The following MYH9 variants were observed in gnomAD, a reference collection of about 807,000 sequenced individuals.
MYH9 encodes myosin heavy chain 9, also known as myosin-9.
MYH9 carries 29 observed loss-of-function variants against 241.9 expected under a neutral mutation model. The ratio of observed to expected loss-of-function variants is 0.12; its 90% CI spans 0.09 to 0.16. The LOEUF (loss-of-function observed/expected upper bound fraction) is 0.16. Ranked by LOEUF, MYH9 falls within the 10% of genes least tolerant of loss-of-function variation. MYH9 has a pLI of 1.00. For missense variants in MYH9, 1,803 were observed against 2,595.5 expected, an observed-to-expected ratio of 0.69 and a Z score of 6.63; for synonymous variants, 1,047 against 1,062.6, an observed-to-expected ratio of 0.99 and a Z score of 0.29.
chr22:36,326,762 G>T, intron 4 of MYH9, 101 bp from the exon 5 acceptor site: 1 of 1,008,268 alleles, frequency 9.9e-7, no homozygotes, highest in Non-Finnish European at 1.6e-6. Context: ...TCTGTTGGGT[G>T]CCCGTGAAGG....
At chr22:36,341,220 C>T in intron 3 of MYH9, 150 bp downstream of exon 3, 1 of 924,002 alleles carries the variant, frequency 1.1e-6, no homozygotes, top group South Asian at 1.4e-5. Context: ...CCCTGGCTTT[C>T]ATACAGAGGT....
chr22:36,338,084 G>A (rs59942142), intron 3 of MYH9, among the ~76,000 whole-genome samples: 11,101 of 151,344 alleles, frequency 0.073, 1,407 homozygotes, highest in African/African-American at 0.26. Context: ...TGCAACCTCC[G>A]CCGCCCAGGT....
At chr22:36,335,211 G>A (rs1392349038) in intron 3 of MYH9, among the ~76,000 whole-genome samples, 1 of 152,212 alleles carries the variant, frequency 6.6e-6, no homozygotes. Context: ...CCAGCCTGCT[G>A]TCTGTACACT....
chr22:36,294,047 T>C, intron 28 of MYH9, 45 bp downstream of exon 28: 1 of 1,596,406 alleles, frequency 6.3e-7, no homozygotes, highest in Non-Finnish European at 8.5e-7. Flanking sequence ...CCACAACTGC[T>C]GCTAGGGCCC....
At chr22:36,335,249 G>GT (rs1373276469) in intron 3 of MYH9, among the ~76,000 whole-genome samples, 9 of 152,246 alleles carry the variant, frequency 5.9e-5, no homozygotes, top group African/African-American at 1.7e-4. Flanking sequence ...CACACACACA[G>GT]TAGGTGCTCA....
In MYH9 at chr22:36,284,395, G is replaced by A. The variant is rs778668519; in HGVS notation, c.5592+8C>T. 46 of 1,611,242 alleles carry A rather than the reference G, an allele frequency of 2.9e-5. No individual in the cohort carries two copies. Among genetic ancestry groups the A allele is most frequent in the Non-Finnish European group, 3.7e-5 (44 of 1,179,834 alleles). ...CTGCCCTTCTCACTGCCCCACCAGC[G>A]CCCACACCTGGTCCTTGTACTGCTC... is the stretch of plus-strand genomic sequence containing the variant. On this transcript the variant is annotated splice_region_variant and intron_variant, in intron 39 of 40. Coordinates refer to ENST00000216181, the MANE Select transcript of MYH9 (RefSeq NM_002473.6).
chr22:36,369,773 C>T (rs950872619), intron 1 of MYH9, among the ~76,000 whole-genome samples: 1 of 152,078 alleles, frequency 6.6e-6, no homozygotes, highest in African/African-American at 2.4e-5. Context: ...GCAGGAGAGG[C>T]GATGGAAGTA....
intron 5 of MYH9, among the ~76,000 whole-genome samples, 188 bp from the exon 6 acceptor site, chr22:36,322,709 C>T (rs1238979279): frequency 1.3e-5 from 2 of 152,276 alleles, no homozygotes; most frequent in African/African-American, 4.8e-5. Context: ...CAAGTGCGGC[C>T]TTCCCGCCAG....
chr22:36,291,645 CT>C (rs2016704831), intron 31 of MYH9, among the ~76,000 whole-genome samples: 1 of 149,060 alleles, frequency 6.7e-6, no homozygotes, highest in South Asian at 2.1e-4. Flanking sequence ...CCAAATCCCC[CT>C]CTGCGAGAAA....
intron 1 of MYH9, among the ~76,000 whole-genome samples, chr22:36,387,504 G>A (rs570919018): frequency 6.0e-4 from 91 of 152,068 alleles, no homozygotes; most frequent in Non-Finnish European, 1.1e-3. Flanking sequence ...CGGCTCCAGT[G>A]CCCAGTCCTG....
At chr22:36,383,672 G>C (rs1215416460) in intron 1 of MYH9, among the ~76,000 whole-genome samples, 1 of 151,784 alleles carries the variant, frequency 6.6e-6, no homozygotes, top group African/African-American at 2.4e-5. Flanking sequence ...AAAAGGGGGG[G>C]GGGTGCCAGG....
chr22:36,293,445 G>C lies in MYH9; in HGVS notation c.3979C>G (p.Leu1327Val). 6.2e-7 allele frequency: 1 copy of C among 1,613,758 alleles called. No individual in the cohort carries two copies. The highest frequency in any genetic ancestry group is 8.5e-7 in the Non-Finnish European group (1 of 1,180,028). The change falls in exon 30 of 41, where the codon CTG (leucine) becomes GTG (valine). Residue 1327 changes from leucine to valine, a missense_variant. Around this residue, in one of 11 missense-constraint regions of MYH9, gnomAD observed 876 missense variants for 1,077.8 expected, o/e 0.81. Coordinates refer to ENST00000216181, the MANE Select transcript of MYH9 (RefSeq NM_002473.6). This position sits in a 1 kb window ranked among gnomAD's most constrained non-coding sequence, Gnocchi z 5.1. The part of the protein sequence containing the change: ...LQEENRQKLS[L>V]STKLKQVEDE... ...TCCACCTGCTTGAGCTTGGTGCTCA[G>C]GCTCAGCTTCTGCCGGTTCTCCTCC...
rs751852988 is a variant in MYH9, at chr22:36,306,012, G to A, written c.2077C>T (p.Arg693Cys). 9.3e-6 allele frequency: 15 copies of A among 1,613,198 alleles called. No individual in the cohort carries two copies. The highest frequency in any genetic ancestry group is 5.0e-5 in the Admixed American group (3 of 60,002). Residue 693 changes from arginine (R) to cysteine (C), a missense_variant, in exon 17 of 41, where the codon CGC becomes TGC. By Grantham distance (180) the Arg-to-Cys change is radical (BLOSUM62 -3). This residue lies in a region of MYH9 where 163 missense variants were observed against 349.7 expected (regional missense o/e 0.47). Coordinates refer to ENST00000216181, the MANE Select transcript of MYH9 (RefSeq NM_002473.6). This position sits in a 1 kb window ranked among gnomAD's most constrained non-coding sequence, Gnocchi z 4.1. ...LDPHLVLDQLRCNGVLEGIRI... is the reference protein window; with the variant it reads ...LDPHLVLDQLCCNGVLEGIRI... ...ATGCCCTCGAGAACACCGTTGCAGC[G>A]CAGCTGGTCCAGCACGAGATGCGGG...
rs760844584 is a variant in MYH9 at position 36,286,798 on chromosome 22, G to A, written c.4981C>T (p.Arg1661Cys). ...MRELDDTRAS[R>C]EEILAQAKEN... ...TTGGCCTGGGCCAGGATCTCCTCAC[G>A]AGAGGCGCGGGTGTCATCCAGCTCG... The change falls in exon 35 of 41, where the codon CGT becomes TGT. Residue 1661 changes from arginine (R) to cysteine (C), a missense_variant. By Grantham distance (180) the Arg-to-Cys change is radical. Around this residue, in one of 11 missense-constraint regions of MYH9, gnomAD observed 876 missense variants for 1,077.8 expected, o/e 0.81. Coordinates refer to ENST00000216181, the MANE Select transcript of MYH9 (RefSeq NM_002473.6). The A allele has an allele frequency of 6.8e-6, 11 of 1,612,118 alleles. No homozygotes were observed. The highest frequency in any genetic ancestry group is 2.2e-5 in the East Asian group (1 of 44,892).
chr22:36,301,409 G>C, intron 21 of MYH9, 125 bp downstream of exon 21: 2 of 1,317,074 alleles, frequency 1.5e-6, no homozygotes, highest in Admixed American at 3.6e-5. Context: ...ACAGTAATAG[G>C]AAACTCAGTT....
Position 36,289,110 on chromosome 22 carries a change from C to T in MYH9, c.4532G>A (p.Ser1511Asn), listed in dbSNP as rs1213125378. 6.2e-7 allele frequency: 1 copy of T among 1,614,142 alleles called. No individual in the cohort carries two copies. Among genetic ancestry groups the T allele is most frequent in the Admixed American group, 1.7e-5 (1 of 60,024 alleles). The change falls in exon 32 of 41, where the codon AGC becomes AAC. Residue 1511 changes from serine to asparagine, a missense_variant. Around this residue, in one of 11 missense-constraint regions of MYH9, gnomAD observed 876 missense variants for 1,077.8 expected, o/e 0.81. Coordinates refer to ENST00000216181, the MANE Select transcript of MYH9 (RefSeq NM_002473.6). ...QFRTEMEDLM[S>N]SKDDVGKSVH... ...ACTCTTGCCCACATCATCCTTGGAG[C>T]TCATAAGGTCCTCCATCTCCGTGCG...
At chr22:36,317,232 C>T (rs1313025638) in intron 11 of MYH9, among the ~76,000 whole-genome samples, 3 of 152,156 alleles carry the variant, frequency 2.0e-5, no homozygotes, top group Non-Finnish European at 4.4e-5. Flanking sequence ...GCTCTTTACA[C>T]TCTCCCCTCT....
chr22:36,285,240 C>G lies in MYH9; in HGVS notation c.5364G>C (p.Lys1788Asn). 6.2e-7 allele frequency: 1 copy of G among 1,614,220 alleles called. No individual in the cohort carries two copies. The highest frequency in any genetic ancestry group is 8.5e-7 in the Non-Finnish European group (1 of 1,180,040). ...NARQQLERQN[K>N]ELKVKLQEME... Reference sequence around the variant, plus strand: ...TCTCCTGCAGCTTGACCTTAAGCTCCTTGTTCTGGCGTTCCAGCTGCTGCC... The same window carrying G: ...TCTCCTGCAGCTTGACCTTAAGCTCGTTGTTCTGGCGTTCCAGCTGCTGCC... Residue 1788 changes from lysine (K) to asparagine (N), a missense_variant, in exon 38 of 41, where the codon AAG becomes AAC. Coordinates refer to ENST00000216181, the MANE Select transcript of MYH9 (RefSeq NM_002473.6). This position sits in a 1 kb window ranked among gnomAD's most constrained non-coding sequence, Gnocchi z 7.0.
chr22:36,348,880 C>T lies in MYH9; in HGVS notation c.333+24G>A, dbSNP rs143755451. ...CCTCGGAGCCCTCAGACCCAGCCTG[C>T]GGGGTGCCACGGCAGCCACTTACGT... On this transcript the variant is annotated intron_variant, in intron 2 of 40. Transcript: ENST00000216181. 2.5e-4 allele frequency: 373 copies of T among 1,478,506 alleles called. 2 individuals are homozygous for T. The East Asian group carries it at 0.011, about 45-fold the overall frequency. The allele number at this position is 1,478,506 out of a possible 1,614,324, so 91.6% of individuals were successfully genotyped here.
Sources: allele counts gnomAD v4.1 joint callset (sites outside exome capture counted in the v4.1 genomes callset), GRCh38; gene constraint gnomAD v4.1.1; regional missense constraint gnomAD v4.1.1; non-coding constraint Gnocchi (gnomAD v3.1); transcripts MANE v1.5; gene names NCBI Gene and HGNC (gene_info 2026-07-23, HGNC 2026-07-21).